Variants in TRAPPC8 observed in about 807,000 individuals in gnomAD.
TRAPPC8 encodes general sporulation gene 1 homolog.
A neutral mutation model predicts 174.3 loss-of-function variants in TRAPPC8; 54 were observed. The observed-to-expected ratio is 0.31, with a 90% CI of 0.25 to 0.39. The LOEUF is 0.39. TRAPPC8 is among the 10% of genes least tolerant of loss of function. TRAPPC8 has a pLI of 1.00. For synonymous variants in TRAPPC8, 630 were observed against 579.9 expected (o/e 1.09, Z -1.24); for missense variants, 1,531 against 1,699.1 (o/e 0.90, Z 1.74).
At chr18:31,893,380 G>GGTGTGTGTGTGTGT (rs10660521) in intron 11 of TRAPPC8, among the ~76,000 whole-genome samples, 6 of 149,738 alleles carry the variant, frequency 4.0e-5, no homozygotes, top group African/African-American at 1.2e-4. Flanking sequence ...TTTGCTTCTA[G>GGTGTGTGTGTGTGT]GTGTGTGTGT....
chr18:31,875,548 A>T (rs2035101890), intron 12 of TRAPPC8, among the ~76,000 whole-genome samples: 1 of 152,142 alleles, frequency 6.6e-6, no homozygotes, highest in Admixed American at 6.5e-5. Context: ...GCAAGACATG[A>T]CGGGGTTCTC....
At position 31,943,073 on chromosome 18, in the gene TRAPPC8, G is replaced by A. The variant is rs2038422016; in HGVS notation, c.-309C>T. ...TTCGGACGGCAAAACCTTGGTCACT[G>A]CCCGGCCGGAACCGCCATGTTGAGG... On this transcript the variant is annotated 5_prime_UTR_variant, in exon 1 of 29. An upstream open reading frame in the 5' UTR gains an earlier in-frame stop. Coordinates refer to ENST00000283351, the MANE Select transcript of TRAPPC8 (RefSeq NM_014939.5). 2 of 451,128 alleles carry A rather than the reference G, an allele frequency of 4.4e-6. No individual in the cohort carries two copies. Among genetic ancestry groups the A allele is most frequent in the Admixed American group, 4.4e-5 (1 of 22,778 alleles). 27.9% of individuals were successfully genotyped at this position (451,128 alleles called of 1,614,324 possible). A position where few individuals can be genotyped will look rare whatever the true frequency, so the allele number is the denominator to read the frequency against.
intron 10 of TRAPPC8, among the ~76,000 whole-genome samples, chr18:31,899,581 C>T (rs908868963): frequency 2.6e-5 from 4 of 152,264 alleles, no homozygotes; most frequent in Non-Finnish European, 4.4e-5. Flanking sequence ...ACTTTTATTA[C>T]GTCAACTCTC....
At chr18:31,938,024 C>A (rs1044405866) in intron 1 of TRAPPC8, among the ~76,000 whole-genome samples, 1 of 152,004 alleles carries the variant, frequency 6.6e-6, no homozygotes, top group African/African-American at 2.4e-5. Context: ...CCTTTAGTAA[C>A]CTTAATTTCA....
rs114465558 is a variant in TRAPPC8, at chr18:31,864,618, G to A, written c.2745+9C>T. ...AATTAAGTCCATGAAATTTTAAAAA[G>A]TGAAATACCTCCAACAGTGGCATTT... On this transcript the variant is annotated intron_variant, in intron 19 of 28. Coordinates refer to ENST00000283351, the MANE Select transcript of TRAPPC8 (RefSeq NM_014939.5). 1.4e-3 allele frequency: 2,216 copies of A among 1,605,446 alleles called. 32 individuals are homozygous for A. In the African/African-American group the frequency reaches 0.026, roughly 19 times the overall value.
chr18:31,930,320 A>G (rs545166070), intron 2 of TRAPPC8, among the ~76,000 whole-genome samples: 1 of 152,044 alleles, frequency 6.6e-6, no homozygotes, highest in East Asian at 1.9e-4. Context: ...GGGTTTCACT[A>G]TGTTGGTCAG....
Position 31,871,043 on chromosome 18 carries a change from C to T in TRAPPC8, c.2140G>A (p.Glu714Lys). Residue 714 changes from glutamate (E) to lysine (K), a missense_variant, in exon 15 of 29, where the codon GAG (glutamate) becomes AAG (lysine). Physicochemically the swap from Glu to Lys is moderately conservative, Grantham distance 56. Coordinates refer to ENST00000283351, the MANE Select transcript of TRAPPC8 (RefSeq NM_014939.5). ...TTAACCACAGAAACAACTTGTTCCT[C>T]AAGTTCTCGCCACTGCTGAGAGGAT... ...SESSQQWREL[E>K]EQVVSVVNKG... 1 of 1,611,310 alleles carries T rather than the reference C, an allele frequency of 6.2e-7. No individual in the cohort carries two copies. Among genetic ancestry groups the T allele is most frequent in the East Asian group, 2.2e-5 (1 of 44,780 alleles).
intron 27 of TRAPPC8, among the ~76,000 whole-genome samples, chr18:31,837,158 A>G (rs2032797380): frequency 6.6e-6 from 1 of 152,124 alleles, no homozygotes; most frequent in Non-Finnish European, 1.5e-5. Context: ...CATTAAGACC[A>G]TGACAAAGAC....
At chr18:31,942,282 A>C (rs1254664065) in intron 1 of TRAPPC8, among the ~76,000 whole-genome samples, 1 of 152,196 alleles carries the variant, frequency 6.6e-6, no homozygotes, top group Non-Finnish European at 1.5e-5. Flanking sequence ...GCAAGTGCCT[A>C]ATTCCTTCGC....
intron 1 of TRAPPC8, among the ~76,000 whole-genome samples, chr18:31,935,067 G>A (rs112268687): frequency 2.4e-4 from 37 of 151,948 alleles, no homozygotes; most frequent in African/African-American, 8.4e-4. Context: ...AGGCTAGGCC[G>A]GGCGTGATGG....
At chr18:31,871,425 T>C (rs1301926686) in intron 14 of TRAPPC8, among the ~76,000 whole-genome samples, 3 of 152,048 alleles carry the variant, frequency 2.0e-5, no homozygotes, top group Non-Finnish European at 4.4e-5. Flanking sequence ...CAAATATTTG[T>C]ATACTAAAAT....
chr18:31,936,158 C>A (rs2038088279), intron 1 of TRAPPC8, among the ~76,000 whole-genome samples: 1 of 151,662 alleles, frequency 6.6e-6, no homozygotes, highest in South Asian at 2.1e-4. Flanking sequence ...TAAAACTTTA[C>A]CATATTAAAA....
chr18:31,920,626 C>T (rs529517517), intron 2 of TRAPPC8, among the ~76,000 whole-genome samples: 152 of 151,580 alleles, frequency 1.0e-3, no homozygotes, highest in Admixed American at 1.7e-3. Flanking sequence ...ATGGTGAAAC[C>T]CCATCTCTAC....
intron 18 of TRAPPC8, 136 bp downstream of exon 18, chr18:31,866,713 A>C: frequency 1.1e-6 from 1 of 933,998 alleles, no homozygotes; most frequent in Non-Finnish European, 1.5e-6. Flanking sequence ...TAAATTTGTC[A>C]TTCTTACATC....
At chr18:31,929,514 G>C (rs1042121754) in intron 2 of TRAPPC8, among the ~76,000 whole-genome samples, 3 of 152,104 alleles carry the variant, frequency 2.0e-5, no homozygotes, top group African/African-American at 7.2e-5. Context: ...GTGACAGAGA[G>C]AGACCTTGTC....
At chr18:31,883,640 C>T (rs1376837631) in intron 12 of TRAPPC8, 1 of 152,656 alleles carries the variant, frequency 6.6e-6, no homozygotes, top group Non-Finnish European at 1.5e-5. Flanking sequence ...GAAGAAGATG[C>T]TACATCAAAA....
At chr18:31,850,241 G>A (rs1386469205) in intron 24 of TRAPPC8, among the ~76,000 whole-genome samples, 1 of 152,060 alleles carries the variant, frequency 6.6e-6, no homozygotes, top group East Asian at 1.9e-4. Context: ...GTGAGACACT[G>A]CACCCAGCTG....
In TRAPPC8 at chr18:31,890,876, G is replaced by T. The variant is rs752202132; in HGVS notation, c.1597-10C>A. 8 of 1,587,398 alleles carry T rather than the reference G, an allele frequency of 5.0e-6. No individual in the cohort carries two copies. Among genetic ancestry groups the T allele is most frequent in the Non-Finnish European group, 6.8e-6 (8 of 1,169,274 alleles). On this transcript the variant is annotated splice_polypyrimidine_tract_variant and intron_variant, in intron 11 of 28. Transcript: ENST00000283351. The stretch of plus-strand genomic sequence containing the variant: ...TTCGAAGATCAGAATCCTAGTGAAT[G>T]TTTAAAAGAGAAAAAGGTTAGTTTC...
intron 5 of TRAPPC8, among the ~76,000 whole-genome samples, chr18:31,910,514 T>C (rs1369402417): frequency 1.3e-5 from 2 of 152,164 alleles, no homozygotes; most frequent in Non-Finnish European, 2.9e-5. Flanking sequence ...ATTTTGAAAG[T>C]TGTCTTAATG....
Sources: gnomAD v4.1 joint callset for allele counts (sites outside exome capture counted in the v4.1 genomes callset) on GRCh38, gnomAD v4.1.1 for gene constraint, MANE v1.5 for transcripts, NCBI Gene and HGNC (gene_info 2026-07-23, HGNC 2026-07-21) for gene names.